Variants in CUX1 observed in about 807,000 individuals in gnomAD.
CUX1 encodes the protein protein CASP.
A neutral mutation model predicts 158.8 loss-of-function variants in CUX1; 31 were observed. The ratio of observed to expected loss-of-function variants is 0.20; its 90% CI spans 0.15 to 0.26. The LOEUF (loss-of-function observed/expected upper bound fraction) is 0.26, where lower values mean the gene tolerates loss of function less well. Ranked by LOEUF, CUX1 falls within the 10% of genes least tolerant of loss-of-function variation. CUX1 has a pLI of 1.00. For synonymous variants in CUX1, 879 were observed against 862.1 expected, an observed-to-expected ratio of 1.02 and a Z score of -0.34; for missense variants, 1,589 against 2,014.6, an observed-to-expected ratio of 0.79 and a Z score of 4.04.
At chr7:102,081,414 G>A (rs1048199711) in intron 4 of CUX1, among the ~76,000 whole-genome samples, 4 of 146,294 alleles carry the variant, frequency 2.7e-5, no homozygotes, top group African/African-American at 9.8e-5. Context: ...CAGTTTCCCC[G>A]TGGCTGTTTT....
At chr7:101,996,336 C>T (rs1177362081) in intron 2 of CUX1, among the ~76,000 whole-genome samples, 1 of 151,184 alleles carries the variant, frequency 6.6e-6, no homozygotes, top group African/African-American at 2.5e-5. Flanking sequence ...AGTCCGATCC[C>T]GTCTCTTGAG....
chr7:101,859,934 CTCCT>C (rs1017683219), intron 1 of CUX1, among the ~76,000 whole-genome samples: 13 of 142,764 alleles, frequency 9.1e-5, no homozygotes, highest in South Asian at 6.7e-4. Flanking sequence ...TCTTTCTTTG[CTCCT>C]TCCTTCCTTC....
Position 102,252,585 on chromosome 7 carries a change from G to C in CUX1, c.*3543G>C, listed in dbSNP as rs922123591. The C allele has an allele frequency of 5.1e-6, 5 of 985,282 alleles. No individual in the cohort carries two copies. The South Asian group carries it at 2.3e-4, about 46-fold the overall frequency. The allele number at this position is 985,282 out of a possible 1,614,324, so 61.0% of individuals were successfully genotyped here. The stretch of plus-strand genomic sequence containing the variant: ...AACTTAGCTGGCTAAGCAGAGGCTC[G>C]GGGTAAAATCAGTGTTTGCATTTAG... On this transcript the variant is annotated 3_prime_UTR_variant, in exon 24 of 24. Transcript: ENST00000292535.
chr7:101,941,851 T>G (rs1277468418), intron 2 of CUX1, among the ~76,000 whole-genome samples: 1 of 152,208 alleles, frequency 6.6e-6, no homozygotes, highest in Non-Finnish European at 1.5e-5. Flanking sequence ...ATTCCAGCCT[T>G]GATTGCAAAC....
chr7:101,866,226 C>T (rs1157342974), intron 1 of CUX1, among the ~76,000 whole-genome samples: 3 of 152,038 alleles, frequency 2.0e-5, no homozygotes, highest in Admixed American at 6.6e-5. Context: ...CTTTGGGAGG[C>T]TGAGGTGGGT....
intron 8 of CUX1, among the ~76,000 whole-genome samples, chr7:102,128,232 C>T (rs549877573): frequency 2.6e-5 from 4 of 152,290 alleles, no homozygotes; most frequent in East Asian, 3.9e-4. Flanking sequence ...AGTACTGGCA[C>T]GGGGCCTCTG....
chr7:102,162,275 CTT>C (rs1278245246), intron 9 of CUX1, among the ~76,000 whole-genome samples: 2 of 152,040 alleles, frequency 1.3e-5, no homozygotes, highest in South Asian at 2.1e-4. Context: ...CGAGAGGAAA[CTT>C]TTTTGTTTTT....
chr7:102,001,772 C>T (rs984140638), intron 2 of CUX1, among the ~76,000 whole-genome samples: 5 of 152,200 alleles, frequency 3.3e-5, no homozygotes, highest in African/African-American at 7.2e-5. Context: ...TCTTGATAAG[C>T]GTGTGCTGAG....
At position 102,256,060 on chromosome 7, in the gene CUX1, G is replaced by A. The variant is rs782340023; in HGVS notation, c.*7018G>A. The A allele has an allele frequency of 1.8e-4, 180 of 985,376 alleles. No individual in the cohort carries two copies. The highest frequency in any genetic ancestry group is 6.6e-4 in the African/African-American group (38 of 57,338). The allele number at this position is 985,376 out of a possible 1,614,324, so 61.0% of individuals were successfully genotyped here. On this transcript the variant is annotated 3_prime_UTR_variant, in exon 24 of 24. Transcript: ENST00000292535. ...AACCGAAGGGAAAACAGGCCTCCCC[G>A]ACTCCCTCCAGTCTCCCAGCCTGCC...
At chr7:102,217,798 ACACGATGG>A (rs1554525430) in intron 20 of CUX1, among the ~76,000 whole-genome samples, 2,723 of 149,592 alleles carry the variant, frequency 0.018, 281 homozygotes, top group African/African-American at 0.064. Context: ...CTCTGGATGG[ACACGATGG>A]TGTCTAGAGG....
intron 17 of CUX1, chr7:102,275,438 G>C: frequency 8.4e-7 from 1 of 1,187,716 alleles, no homozygotes; most frequent in Non-Finnish European, 1.2e-6. Flanking sequence ...TCAGGAGAGA[G>C]ATGTGGCACA....
At chr7:102,221,465 G>A (rs946650836) in intron 20 of CUX1, among the ~76,000 whole-genome samples, 15 of 152,202 alleles carry the variant, frequency 9.9e-5, no homozygotes, top group Non-Finnish European at 2.9e-5. Context: ...TATTACTGCA[G>A]ATAGAGGGCC....
intron 1 of CUX1, among the ~76,000 whole-genome samples, chr7:101,828,044 C>T (rs1203061297): frequency 6.8e-6 from 1 of 146,854 alleles, no homozygotes; most frequent in African/African-American, 2.5e-5. Context: ...TGGCGGATCT[C>T]GACTCACTGC....
intron 11 of CUX1, among the ~76,000 whole-genome samples, chr7:102,180,728 C>T (rs1265364697): frequency 2.0e-5 from 3 of 150,670 alleles, no homozygotes; most frequent in Non-Finnish European, 4.4e-5. Context: ...ATGCTGATGG[C>T]TCCCACGACC....
At chr7:101,857,346 T>A (rs988821774) in intron 1 of CUX1, among the ~76,000 whole-genome samples, 3 of 152,106 alleles carry the variant, frequency 2.0e-5, no homozygotes, top group Admixed American at 6.6e-5. Context: ...TCTTCAGGAG[T>A]TAAGATGCGT....
intron 8 of CUX1, among the ~76,000 whole-genome samples, chr7:102,138,001 C>T (rs1211244346): frequency 6.6e-6 from 1 of 152,078 alleles, no homozygotes; most frequent in African/African-American, 2.4e-5. Flanking sequence ...GCCTGGGCAA[C>T]GTAGTGAGAT....
Position 101,857,303 on chromosome 7 carries a change from A to G in CUX1, c.30+39634A>G, listed in dbSNP as rs376846190. ...TCAATACCTATCATATTTTTGAAAT[A>G]TCTGCAGAAATAAAAAGAAATAACT... On this transcript the variant is annotated intron_variant, in intron 1 of 23. Coordinates refer to ENST00000292535, the MANE Select transcript of CUX1 (RefSeq NM_181552.4). Among the ~76,000 whole-genome samples, 3 of 152,388 alleles carry G rather than the reference A, an allele frequency of 2.0e-5. No individual in the cohort carries two copies. The East Asian group carries it at 5.8e-4, about 29-fold the overall frequency.
At position 102,257,149 on chromosome 7, in the gene CUX1, C is replaced by T; in HGVS notation, c.*8107C>T. 1.0e-6 allele frequency: 1 copy of T among 985,366 alleles called. No homozygotes were observed. The highest frequency in any genetic ancestry group is 1.7e-5 in the African/African-American group (1 of 57,332). 61.0% of individuals were successfully genotyped at this position (985,366 alleles called of 1,614,324 possible). Reference sequence around the variant, plus strand: ...CCAGCAGAAGGAAACTTACCCCAGGCCAAGGCAAGGGCCCTGCTCACCCCA... The same window carrying T: ...CCAGCAGAAGGAAACTTACCCCAGGTCAAGGCAAGGGCCCTGCTCACCCCA... On this transcript the variant is annotated 3_prime_UTR_variant, in exon 24 of 24. Transcript: ENST00000292535.
chr7:102,148,668 A>G (rs1392897181), intron 8 of CUX1, among the ~76,000 whole-genome samples: 5 of 148,630 alleles, frequency 3.4e-5, no homozygotes, highest in Non-Finnish European at 7.4e-5. Context: ...TATTTTATAT[A>G]TAACTACACA....
Sources: gnomAD v4.1 joint callset for allele counts (sites outside exome capture counted in the v4.1 genomes callset) on GRCh38, gnomAD v4.1.1 for gene constraint, MANE v1.5 for transcripts, NCBI Gene and HGNC (gene_info 2026-07-23, HGNC 2026-07-21) for gene names.